CADPS2: variants seen among roughly 807,000 people sequenced by gnomAD.
The protein encoded by CADPS2 is calcium dependent secretion activator 2, also known as calcium-dependent secretion activator 2.
Under a neutral mutation model 172.5 loss-of-function variants are expected in CADPS2, and 93 were observed. The ratio of observed to expected loss-of-function variants is 0.54; its 90% CI spans 0.46 to 0.64. CADPS2 has a LOEUF of 0.64. CADPS2 is among the 30% of genes least tolerant of loss of function. The pLI, the probability that CADPS2 is intolerant of heterozygous loss-of-function variation, is 0.00. For synonymous variants in CADPS2, 546 were observed against 555.2 expected (o/e 0.98, Z 0.23); for missense variants, 1,420 against 1,565.9 (o/e 0.91, Z 1.57).
chr7:122,849,741 A>G, intron 1 of CADPS2: 1 of 407,508 alleles, frequency 2.5e-6, no homozygotes, highest in Admixed American at 3.6e-5. Flanking sequence ...TTCTCAGTAG[A>G]AGCTCCAACA....
At chr7:122,762,255 C>G (rs143142006) in intron 1 of CADPS2, among the ~76,000 whole-genome samples, 300 of 151,932 alleles carry the variant, frequency 2.0e-3, no homozygotes, top group Middle Eastern at 6.8e-3. Flanking sequence ...AATCAGAGAA[C>G]AAGCTGGGCG....
At chr7:122,732,113 C>A (rs927468559) in intron 2 of CADPS2, among the ~76,000 whole-genome samples, 2 of 151,326 alleles carry the variant, frequency 1.3e-5, no homozygotes, top group African/African-American at 4.9e-5. Context: ...AAAGACACCC[C>A]CCACCCAAGA....
rs547889842 is a variant in CADPS2, at chr7:122,763,240, TAATATA to T, written c.340-26178_340-26173del. 2.9e-3 allele frequency among the ~76,000 whole-genome samples: 442 copies of T among 152,254 alleles called. 1 individual carries two copies. Among genetic ancestry groups the T allele is most frequent in the African/African-American group, 0.01 (423 of 41,554 alleles). ...ATTGCAAATAATATTTGGATGTGCA[TAATATA>T]AATAATGAATCATGATCTAAGCAAA... On this transcript the variant is annotated intron_variant, in intron 1 of 29. Transcript: ENST00000449022.
At chr7:122,501,652 A>G (rs2059208822) in intron 9 of CADPS2, among the ~76,000 whole-genome samples, 1 of 151,950 alleles carries the variant, frequency 6.6e-6, no homozygotes, top group South Asian at 2.1e-4. Flanking sequence ...GATCGAGACC[A>G]TCCTGGCTAA....
At chr7:122,632,646 G>A (rs1226362638) in intron 3 of CADPS2, among the ~76,000 whole-genome samples, 1 of 152,148 alleles carries the variant, frequency 6.6e-6, no homozygotes, top group East Asian at 1.9e-4. Flanking sequence ...TCTGTAGGCT[G>A]TTGGTTGACT....
rs1200241079 is a variant in CADPS2, at chr7:122,320,325, T to A, written c.3731A>T (p.Asp1244Val). The change falls in exon 30 of 30, where the codon GAC (aspartate) becomes GTC (valine). Residue 1244 changes from aspartate to valine, a missense_variant. By Grantham distance (152) the Asp-to-Val change is radical. Coordinates refer to ENST00000449022, the MANE Select transcript of CADPS2 (RefSeq NM_017954.11). ...LIKIVKKTYR[D>V]FRLQGVLEGT... is the part of the protein sequence containing the mutation. ...TTCCAACACACCCTGCAATCGAAAG[T>A]CCCTGTAGGTTTTCTGAAGAAAGAA... 1 of 1,595,678 alleles carries A rather than the reference T, an allele frequency of 6.3e-7. No individual in the cohort carries two copies.
intron 27 of CADPS2, among the ~76,000 whole-genome samples, chr7:122,355,718 A>G (rs1481169096): frequency 3.3e-5 from 5 of 152,236 alleles, no homozygotes; most frequent in Middle Eastern, 3.4e-3. Flanking sequence ...TCTCATAGAG[A>G]GAACTGGACA....
intron 12 of CADPS2, among the ~76,000 whole-genome samples, chr7:122,476,209 A>C (rs897380726): frequency 6.6e-6 from 1 of 152,082 alleles, no homozygotes; most frequent in Non-Finnish European, 1.5e-5. Context: ...CTAAATTACT[A>C]GTTTTATAAA....
intron 8 of CADPS2, among the ~76,000 whole-genome samples, chr7:122,521,706 A>G (rs150148351): frequency 7.4e-4 from 112 of 152,280 alleles, no homozygotes; most frequent in African/African-American, 2.5e-3. Context: ...AGAAAAACCA[A>G]TAACTCCTAT....
chr7:122,759,883 C>T (rs1231713733), intron 1 of CADPS2, among the ~76,000 whole-genome samples: 1 of 151,904 alleles, frequency 6.6e-6, no homozygotes, highest in Non-Finnish European at 1.5e-5. Context: ...AGGATTATTC[C>T]TAAGTGAGCG....
chr7:122,449,615 G>C (rs538019498), intron 15 of CADPS2, among the ~76,000 whole-genome samples: 1 of 152,162 alleles, frequency 6.6e-6, no homozygotes, highest in Non-Finnish European at 1.5e-5. Context: ...ACCTGGTTAA[G>C]GCAATGCTTT....
At chr7:122,741,745 G>T (rs2092487235) in intron 1 of CADPS2, among the ~76,000 whole-genome samples, 1 of 152,080 alleles carries the variant, frequency 6.6e-6, no homozygotes, top group Admixed American at 6.6e-5. Context: ...TTATCTCAGT[G>T]AATCCTATTC....
intron 6 of CADPS2, among the ~76,000 whole-genome samples, chr7:122,604,679 A>G (rs1455487287): frequency 6.6e-6 from 1 of 152,168 alleles, no homozygotes; most frequent in Non-Finnish European, 1.5e-5. Flanking sequence ...AATAATTCTG[A>G]AAAATTTACC....
At chr7:122,506,559 T>C (rs958961154) in intron 9 of CADPS2, among the ~76,000 whole-genome samples, 13 of 152,144 alleles carry the variant, frequency 8.5e-5, no homozygotes, top group Non-Finnish European at 1.5e-5. Context: ...AACTATGGGA[T>C]TCTAGAGACC....
intron 8 of CADPS2, among the ~76,000 whole-genome samples, chr7:122,543,282 A>G (rs1162505375): frequency 6.6e-6 from 1 of 152,082 alleles, no homozygotes; most frequent in Non-Finnish European, 1.5e-5. Context: ...TCAATTTTAC[A>G]GTTTTAAAAA....
At chr7:122,436,261 G>T in intron 17 of CADPS2, 1 of 594,884 alleles carries the variant, frequency 1.7e-6, no homozygotes, top group Non-Finnish European at 2.6e-6. Flanking sequence ...CATTAAATAT[G>T]TACAGCTTGC....
chr7:122,419,490 A>G (rs1222036896), intron 17 of CADPS2, among the ~76,000 whole-genome samples: 1 of 152,162 alleles, frequency 6.6e-6, no homozygotes, highest in Non-Finnish European at 1.5e-5. Flanking sequence ...TTTTAGATGA[A>G]GAGTATTAAG....
At chr7:122,569,922 A>G (rs2066992720) in intron 7 of CADPS2, among the ~76,000 whole-genome samples, 1 of 145,988 alleles carries the variant, frequency 6.8e-6, no homozygotes, top group African/African-American at 2.6e-5. Context: ...CTAAAACCAT[A>G]AAAACCCTAG....
chr7:122,652,228 G>C (rs569829491), intron 3 of CADPS2, among the ~76,000 whole-genome samples: 12 of 152,148 alleles, frequency 7.9e-5, no homozygotes, highest in Non-Finnish European at 1.6e-4. Context: ...ACAATGCCTA[G>C]TGAAAACTCT....
Sources: gnomAD v4.1 joint callset for allele counts (sites outside exome capture counted in the v4.1 genomes callset) on GRCh38, gnomAD v4.1.1 for gene constraint, MANE v1.5 for transcripts, NCBI Gene and HGNC (gene_info 2026-07-23, HGNC 2026-07-21) for gene names.